The following ROBO2 variants were observed in gnomAD, a reference collection of about 807,000 sequenced individuals.
ROBO2 encodes the protein roundabout guidance receptor 2, also known as roundabout homolog 2.
ROBO2 carries 53 observed loss-of-function variants against 160.8 expected under a neutral mutation model. The ratio of observed to expected loss-of-function variants is 0.33; its 90% CI spans 0.26 to 0.41. The LOEUF is 0.41. Among genes scored for constraint, ROBO2 ranks in the 10% least tolerant of loss-of-function variants. The probability of loss-of-function intolerance (pLI) is 1.00; values close to 1 mark genes in which losing one functional copy is unlikely to be tolerated. For missense variants in ROBO2, 1,577 were observed against 1,722.4 expected, an observed-to-expected ratio of 0.92 and a Z score of 1.49; for synonymous variants, 664 against 611.7, an observed-to-expected ratio of 1.09 and a Z score of -1.26.
At chr3:77,648,745 T>G (rs2095429331) in exon 26 of ROBO2, 1 of 152,196 alleles carries the variant, frequency 6.6e-6, no homozygotes, top group Non-Finnish European at 1.5e-5. Context: ...TTGAGTCAGA[T>G]GTCAACAGAA....
intron 2 of ROBO2, among the ~76,000 whole-genome samples, chr3:76,830,326 T>C (rs2066969934): frequency 6.6e-6 from 1 of 152,178 alleles, no homozygotes; most frequent in African/African-American, 2.4e-5. Context: ...GAAATGTCTG[T>C]TACCTCTGTT....
chr3:77,151,485 A>G (rs1217824765), intron 2 of ROBO2, among the ~76,000 whole-genome samples: 1 of 152,086 alleles, frequency 6.6e-6, no homozygotes, highest in Non-Finnish European at 1.5e-5. Flanking sequence ...GGAATTATCA[A>G]GCTTTCTCTC....
At chr3:76,767,681 T>C (rs114858099) in intron 2 of ROBO2, among the ~76,000 whole-genome samples, 1 of 151,578 alleles carries the variant, frequency 6.6e-6, no homozygotes, top group Admixed American at 6.6e-5. Context: ...AATGCTGTAC[T>C]CTTTTTTATT....
intron 2 of ROBO2, among the ~76,000 whole-genome samples, chr3:77,342,177 G>T (rs2067135744): frequency 6.6e-6 from 1 of 152,070 alleles, no homozygotes; most frequent in African/African-American, 2.4e-5. Context: ...TGACATTACT[G>T]CACCTCAGAT....
intron 2 of ROBO2, among the ~76,000 whole-genome samples, chr3:77,330,472 C>T (rs1422410989): frequency 6.6e-6 from 1 of 152,182 alleles, no homozygotes; most frequent in African/African-American, 2.4e-5. Flanking sequence ...CAGCTAAGAT[C>T]ACACCACTGC....
At chr3:76,273,399 A>G (rs1295962220) in intron 2 of ROBO2, among the ~76,000 whole-genome samples, 2 of 151,950 alleles carry the variant, frequency 1.3e-5, no homozygotes, top group African/African-American at 4.8e-5. Flanking sequence ...GTAACAGAAT[A>G]ACACGGAGTG....
intron 2 of ROBO2, among the ~76,000 whole-genome samples, chr3:76,162,728 C>A (rs1043841439): frequency 1.3e-5 from 2 of 151,978 alleles, no homozygotes; most frequent in African/African-American, 4.8e-5. Flanking sequence ...GTATGCCCAT[C>A]TTTTTTCAAC....
At chr3:76,490,556 C>T (rs1012643072) in intron 2 of ROBO2, among the ~76,000 whole-genome samples, 1 of 152,156 alleles carries the variant, frequency 6.6e-6, no homozygotes, top group African/African-American at 2.4e-5. Flanking sequence ...TTCTGGAGTG[C>T]TTACGCTTCA....
intron 2 of ROBO2, among the ~76,000 whole-genome samples, chr3:77,188,983 G>GAGAGAGAGAGAA (rs2081556116): frequency 6.7e-6 from 1 of 148,358 alleles, no homozygotes; most frequent in Non-Finnish European, 1.5e-5. Context: ...GAGAGAGAGA[G>GAGAGAGAGAGAA]AGAGAGAGAG....
At chr3:76,249,383 A>G (rs1449511476) in intron 2 of ROBO2, among the ~76,000 whole-genome samples, 2 of 152,158 alleles carry the variant, frequency 1.3e-5, no homozygotes, top group African/African-American at 2.4e-5. Flanking sequence ...TGGGAGATAT[A>G]GCAAAGTAAA....
intron 2 of ROBO2, among the ~76,000 whole-genome samples, chr3:76,273,073 AAATAT>A (rs1415030848): frequency 5.7e-5 from 6 of 105,668 alleles, no homozygotes; most frequent in Admixed American, 1.5e-4. Flanking sequence ...AAATATATAT[AAATAT>A]AATATATATA....
chr3:76,546,248 C>G (rs2083089826), intron 2 of ROBO2, among the ~76,000 whole-genome samples: 1 of 151,878 alleles, frequency 6.6e-6, no homozygotes, highest in African/African-American at 2.4e-5. Flanking sequence ...GCAAATTTAA[C>G]TACCTATAAT....
Position 76,305,387 on chromosome 3 carries a change from CAAAAAAAAAAAAAAAAAAAAA to C in ROBO2, c.109+367802_109+367822del, listed in dbSNP as rs1166858558. Among the ~76,000 whole-genome samples the C allele has an allele frequency of 3.1e-3, 64 of 20,688 alleles. 1 individual carries two copies. The East Asian group carries it at 0.062, about 20-fold the overall frequency. The allele number at this position is 20,688 out of a possible 152,430, so 13.6% of individuals were successfully genotyped here. ...GCCTGGGTGACAGAGCAAGATCTGTCAAAAAAAAAAAAAAAAAAAAAAAAAAAAAAAAAAAAAGAACAGCAT... is the reference window on the plus strand; with the variant it reads ...GCCTGGGTGACAGAGCAAGATCTGTCAAAAAAAAAAAAAAAAGAACAGCAT... On this transcript the variant is annotated intron_variant, in intron 2 of 26. Coordinates refer to the ROBO2 transcript ENST00000487694.
chr3:76,520,528 A>C (rs559563966), intron 2 of ROBO2, among the ~76,000 whole-genome samples: 1 of 152,206 alleles, frequency 6.6e-6, no homozygotes, highest in African/African-American at 2.4e-5. Flanking sequence ...CAGAGTGCTT[A>C]TAGTCACTGG....
chr3:76,882,238 TA>T (rs2148754937), intron 2 of ROBO2, among the ~76,000 whole-genome samples: 1 of 152,220 alleles, frequency 6.6e-6, no homozygotes, highest in Non-Finnish European at 1.5e-5. Context: ...GGTTGTTAGT[TA>T]AAATCCATGT....
intron 2 of ROBO2, among the ~76,000 whole-genome samples, chr3:77,135,727 C>A (rs2076225587): frequency 6.6e-6 from 1 of 152,122 alleles, no homozygotes; most frequent in African/African-American, 2.4e-5. Context: ...CTTAATACAC[C>A]AATGTTGACT....
chr3:76,400,777 A>G (rs756392308), intron 2 of ROBO2, among the ~76,000 whole-genome samples: 3 of 151,546 alleles, frequency 2.0e-5, no homozygotes, highest in Non-Finnish European at 4.4e-5. Flanking sequence ...TGTACTTATC[A>G]TCATTAGAAT....
intron 2 of ROBO2, among the ~76,000 whole-genome samples, chr3:77,334,487 C>T (rs1442887591): frequency 6.6e-6 from 1 of 152,146 alleles, no homozygotes; most frequent in Non-Finnish European, 1.5e-5. Context: ...GGCCTAGTTC[C>T]AGGCCCAGGA....
intron 2 of ROBO2, among the ~76,000 whole-genome samples, chr3:76,665,278 G>A (rs2091975707): frequency 6.6e-6 from 1 of 151,946 alleles, no homozygotes; most frequent in Non-Finnish European, 1.5e-5. Context: ...TTTCATATAT[G>A]TTATTGAAAT....
Sources: allele counts gnomAD v4.1 joint callset (sites outside exome capture counted in the v4.1 genomes callset), GRCh38; gene constraint gnomAD v4.1.1; transcripts MANE v1.5; gene names NCBI Gene and HGNC (gene_info 2026-07-23, HGNC 2026-07-21).